The following HPSE2 variants were observed in gnomAD, a reference collection of about 807,000 sequenced individuals.
HPSE2 encodes inactive heparanase-2.
HPSE2 carries 38 observed loss-of-function variants against 60.5 expected under a neutral mutation model. The ratio of observed to expected loss-of-function variants is 0.63; its 90% CI spans 0.48 to 0.82. The LOEUF is 0.82. HPSE2 is among the 40% of genes least tolerant of loss of function. HPSE2 has a pLI of 0.00. For synonymous variants in HPSE2, 295 were observed against 293.2 expected (o/e 1.01, Z -0.06); for missense variants, 713 against 740.4 (o/e 0.96, Z 0.43).
intron 2 of HPSE2, among the ~76,000 whole-genome samples, chr10:99,159,642 T>A (rs953292391): frequency 6.6e-6 from 1 of 152,154 alleles, no homozygotes; most frequent in Non-Finnish European, 1.5e-5. Flanking sequence ...CCTTACATCA[T>A]ATACAAAAGA....
intron 3 of HPSE2, among the ~76,000 whole-genome samples, chr10:98,981,205 T>C (rs1956197206): frequency 6.6e-6 from 1 of 152,184 alleles, no homozygotes; most frequent in East Asian, 1.9e-4. Context: ...AGTCAAATTC[T>C]TACCTGCCTG....
At chr10:98,789,480 T>A (rs929030860) in intron 3 of HPSE2, among the ~76,000 whole-genome samples, 1 of 152,186 alleles carries the variant, frequency 6.6e-6, no homozygotes, top group Non-Finnish European at 1.5e-5. Flanking sequence ...CAAATTGCAA[T>A]GCAGGCTGGA....
intron 9 of HPSE2, among the ~76,000 whole-genome samples, chr10:98,512,668 C>A (rs1179727746): frequency 2.0e-5 from 3 of 152,012 alleles, no homozygotes; most frequent in African/African-American, 4.8e-5. Flanking sequence ...TGAATTGTCT[C>A]CTTACTGATT....
chr10:99,020,002 G>A (rs983095946), intron 3 of HPSE2, among the ~76,000 whole-genome samples: 6 of 151,892 alleles, frequency 4.0e-5, no homozygotes, highest in Non-Finnish European at 5.9e-5. Flanking sequence ...GTGAGCCACC[G>A]CACCGAGCCT....
chr10:98,743,301 A>G (rs1265297859), intron 4 of HPSE2, among the ~76,000 whole-genome samples: 2 of 152,138 alleles, frequency 1.3e-5, no homozygotes, highest in Non-Finnish European at 2.9e-5. Context: ...CATGGGCCCT[A>G]TGTGACTGCA....
chr10:98,721,936 A>C, intron 4 of HPSE2, 108 bp from the exon 5 acceptor site: 3 of 971,916 alleles, frequency 3.1e-6, no homozygotes, highest in Non-Finnish European at 3.1e-6. Flanking sequence ...GAAAAAAAAA[A>C]ACAATAAAAA....
intron 9 of HPSE2, among the ~76,000 whole-genome samples, chr10:98,543,815 C>G (rs939651974): frequency 7.2e-5 from 11 of 152,166 alleles, no homozygotes; most frequent in South Asian, 2.1e-4. Flanking sequence ...ACAGGAGCAC[C>G]CAGATTCATG....
intron 3 of HPSE2, among the ~76,000 whole-genome samples, chr10:98,894,619 G>C (rs1285112414): frequency 6.6e-6 from 1 of 151,832 alleles, no homozygotes; most frequent in Non-Finnish European, 1.5e-5. Flanking sequence ...AAATATGAAA[G>C]AGAAACTGAA....
chr10:98,677,635 A>T (rs965852945), intron 6 of HPSE2, among the ~76,000 whole-genome samples: 1 of 152,172 alleles, frequency 6.6e-6, no homozygotes, highest in Non-Finnish European at 1.5e-5. Flanking sequence ...TTTTTTCTCA[A>T]GGCCACAAAT....
chr10:98,532,546 G>T (rs954464961), intron 9 of HPSE2, among the ~76,000 whole-genome samples: 9 of 152,176 alleles, frequency 5.9e-5, no homozygotes, highest in Non-Finnish European at 1.2e-4. Context: ...TTATTATAGT[G>T]CTTGATACAT....
chr10:99,214,770 G>A (rs574538003), intron 2 of HPSE2, among the ~76,000 whole-genome samples: 1 of 151,702 alleles, frequency 6.6e-6, no homozygotes, highest in East Asian at 1.9e-4. Flanking sequence ...ATCAAAAAGT[G>A]GGTGAAGGAT....
At chr10:98,964,223 C>A (rs958742029) in intron 3 of HPSE2, among the ~76,000 whole-genome samples, 1 of 152,014 alleles carries the variant, frequency 6.6e-6, no homozygotes, top group Non-Finnish European at 1.5e-5. Context: ...CAATTATTTT[C>A]TCCTTCCCTT....
intron 9 of HPSE2, among the ~76,000 whole-genome samples, chr10:98,543,244 G>A (rs1375501874): frequency 6.6e-6 from 1 of 152,004 alleles, no homozygotes; most frequent in African/African-American, 2.4e-5. Flanking sequence ...CATAAGTGAA[G>A]GAGAAATAAA....
intron 3 of HPSE2, among the ~76,000 whole-genome samples, chr10:99,071,980 T>A (rs1214700217): frequency 2.0e-5 from 3 of 151,998 alleles, no homozygotes; most frequent in Admixed American, 2.0e-4. Context: ...AGCTTTGTAA[T>A]AATATATTTT....
chr10:98,877,509 G>A (rs1313415114), intron 3 of HPSE2, among the ~76,000 whole-genome samples: 2 of 151,570 alleles, frequency 1.3e-5, no homozygotes, highest in African/African-American at 2.4e-5. Context: ...GATAAAGTGG[G>A]AACAAAAATA....
intron 10 of HPSE2, among the ~76,000 whole-genome samples, chr10:98,488,558 T>A (rs142988614): frequency 1.7e-4 from 26 of 152,222 alleles, no homozygotes; most frequent in Non-Finnish European, 3.7e-4. Flanking sequence ...GCTAAGCCCA[T>A]GGCTGCAGAT....
intron 3 of HPSE2, among the ~76,000 whole-genome samples, chr10:99,127,702 T>G (rs931965588): frequency 6.6e-6 from 1 of 152,172 alleles, no homozygotes; most frequent in Non-Finnish European, 1.5e-5. Context: ...CATCAAGTTA[T>G]CTATAATCAA....
intron 9 of HPSE2, among the ~76,000 whole-genome samples, chr10:98,501,226 GA>G (rs1942019787): frequency 6.6e-6 from 1 of 151,948 alleles, no homozygotes; most frequent in African/African-American, 2.4e-5. Flanking sequence ...CCAAAACCAG[GA>G]AAGAACATAA....
chr10:99,300,985 T>C, the HPSE2 span, among the ~76,000 whole-genome samples: 17 of 152,316 alleles, frequency 1.1e-4, no homozygotes, highest in African/African-American at 3.6e-4. Context: ...GAGTATAGAT[T>C]TGTTCAGGAT....
Sources: allele counts gnomAD v4.1 joint callset (sites outside exome capture counted in the v4.1 genomes callset), GRCh38; gene constraint gnomAD v4.1.1; transcripts MANE v1.5; gene names NCBI Gene and HGNC (gene_info 2026-07-23, HGNC 2026-07-21).